The following POC1B variants were observed in gnomAD, a reference collection of about 807,000 sequenced individuals.
POC1B encodes the protein POC1 centriolar protein B.
In POC1B, 44 loss-of-function variants were observed where a neutral mutation model predicts 60.6. The observed-to-expected ratio is 0.73, with a 90% CI of 0.57 to 0.93. The LOEUF is 0.93. Ranked by LOEUF, POC1B falls within the 40% of genes least tolerant of loss-of-function variation. The probability of loss-of-function intolerance (pLI) is 0.00; values close to 1 mark genes in which losing one functional copy is unlikely to be tolerated. For missense variants in POC1B, 555 were observed against 572.3 expected, an observed-to-expected ratio of 0.97 and a Z score of 0.31; for synonymous variants, 180 against 198.9, an observed-to-expected ratio of 0.90 and a Z score of 0.80.
chr12:89,514,009 T>A (rs1050408663), intron 2 of POC1B, among the ~76,000 whole-genome samples: 1 of 152,158 alleles, frequency 6.6e-6, no homozygotes, highest in Non-Finnish European at 1.5e-5. Flanking sequence ...TCCTCTTCCC[T>A]CTCATCACCT....
At chr12:89,523,700 AT>A in intron 2 of POC1B, 5 of 1,544,106 alleles carry the variant, frequency 3.2e-6, no homozygotes, top group Non-Finnish European at 4.3e-6. Context: ...TGCCACTGAA[AT>A]GTTAAACGCC....
chr12:89,420,328 G>GT lies in POC1B; in HGVS notation c.*824dup, dbSNP rs751932690. Reference sequence around the variant, plus strand: ...AAGCAACAATATTTCTGAAGCATGTGTACATACATGTGTGTATATTTTTAA... The same window carrying GT: ...AAGCAACAATATTTCTGAAGCATGTGTTACATACATGTGTGTATATTTTTAA... On this transcript the variant is annotated 3_prime_UTR_variant, in exon 12 of 12. Coordinates refer to ENST00000313546, the MANE Select transcript of POC1B (RefSeq NM_172240.3). The GT allele has an allele frequency of 8.5e-5, 13 of 152,214 alleles. No homozygotes were observed. Among genetic ancestry groups the GT allele is most frequent in the Non-Finnish European group, 1.5e-4 (10 of 68,000 alleles). The allele number at this position is 152,214 out of a possible 1,614,324, so 9.4% of individuals were successfully genotyped here.
chr12:89,447,968 G>A (rs80258360), intron 10 of POC1B, among the ~76,000 whole-genome samples: 1,996 of 151,980 alleles, frequency 0.013, 77 homozygotes, highest in East Asian at 0.11. Flanking sequence ...TATAGATAAC[G>A]CATGACCTGA....
chr12:89,439,512 T>C (rs571701247), intron 10 of POC1B, among the ~76,000 whole-genome samples: 2 of 152,216 alleles, frequency 1.3e-5, no homozygotes, highest in Admixed American at 6.5e-5. Flanking sequence ...GGGTGGGACC[T>C]GTGAATCTGG....
intron 4 of POC1B, among the ~76,000 whole-genome samples, chr12:89,482,512 C>T (rs1868403103): frequency 6.6e-6 from 1 of 152,020 alleles, no homozygotes; most frequent in Admixed American, 6.6e-5. Flanking sequence ...ATAGATAAAA[C>T]CATACCTAGG....
At chr12:89,448,949 G>A (rs1881912785) in intron 10 of POC1B, among the ~76,000 whole-genome samples, 1 of 152,190 alleles carries the variant, frequency 6.6e-6, no homozygotes, top group Admixed American at 6.5e-5. Context: ...TTCTCCACCT[G>A]CTCCCAAACT....
rs373532533 is a variant in POC1B at position 89,475,379 on chromosome 12, C to T, written c.453-3104G>A. ...AAGGAGGCGAGGTTTCTACCATCAA[C>T]TTAACAGAAACTAAAGGGGACTGAG... On this transcript the variant is annotated intron_variant, in intron 4 of 11. Transcript: ENST00000313546. 1.2e-4 allele frequency among the ~76,000 whole-genome samples: 19 copies of T among 152,258 alleles called. No individual in the cohort carries two copies. In the East Asian group the frequency reaches 3.5e-3, roughly 28 times the overall value.
At chr12:89,487,447 C>T (rs1868698948) in intron 4 of POC1B, among the ~76,000 whole-genome samples, 1 of 152,194 alleles carries the variant, frequency 6.6e-6, no homozygotes, top group Non-Finnish European at 1.5e-5. Context: ...CTAAATAGCA[C>T]CCAGCTGGAA....
chr12:89,475,470 T>C (rs1057425460), intron 4 of POC1B, among the ~76,000 whole-genome samples: 32 of 152,182 alleles, frequency 2.1e-4, no homozygotes, highest in Admixed American at 1.1e-3. Flanking sequence ...GTATGTGTTT[T>C]TTTGCATTTG....
At chr12:89,502,206 T>G (rs556394209) in intron 2 of POC1B, 1 of 1,138,252 alleles carries the variant, frequency 8.8e-7, no homozygotes, top group East Asian at 2.4e-5. Flanking sequence ...AGAATAATAA[T>G]GATGTGGATG....
chr12:89,523,424 G>A (rs1386774349), intron 2 of POC1B: 1 of 1,614,038 alleles, frequency 6.2e-7, no homozygotes, highest in Admixed American at 1.7e-5. Flanking sequence ...GTATTCTGTA[G>A]GAAATTGGGG....
chr12:89,477,349 T>C (rs1239417499), intron 4 of POC1B, among the ~76,000 whole-genome samples: 1 of 152,132 alleles, frequency 6.6e-6, no homozygotes, highest in Non-Finnish European at 1.5e-5. Flanking sequence ...TGTAAAAAGA[T>C]GAAGCATGCC....
chr12:89,525,487 C>A, intron 1 of POC1B: 3 of 1,322,898 alleles, frequency 2.3e-6, no homozygotes, highest in Non-Finnish European at 2.9e-6. Context: ...TTGAAATGCA[C>A]GTTCCCGGGC....
the POC1B span, among the ~76,000 whole-genome samples, chr12:89,413,357 C>T: frequency 6.6e-6 from 1 of 152,170 alleles, no homozygotes; most frequent in East Asian, 1.9e-4. Context: ...AGGAATGCAC[C>T]CAATTAATTT....
At chr12:89,471,558 G>T (rs1216511761) in intron 6 of POC1B, 56 bp downstream of exon 6, 1 of 1,355,084 alleles carries the variant, frequency 7.4e-7, no homozygotes, top group Non-Finnish European at 1.1e-6. Flanking sequence ...AGGAGAATCA[G>T]TCCTTCCAAA....
chr12:89,505,925 A>G (rs7310238), intron 2 of POC1B, among the ~76,000 whole-genome samples: 110,022 of 151,986 alleles, frequency 0.72, 39,925 homozygotes, highest in Middle Eastern at 0.82. Flanking sequence ...GGTCTATGAG[A>G]CTTGCTAATG....
At chr12:89,522,176 CCATTT>C in intron 2 of POC1B, 1 of 398,802 alleles carries the variant, frequency 2.5e-6, no homozygotes, top group Non-Finnish European at 4.4e-6. Flanking sequence ...AAATATCTCC[CCATTT>C]CATTTAAATA....
intron 2 of POC1B, chr12:89,502,522 T>C (rs965203493): frequency 3.6e-5 from 39 of 1,096,436 alleles, no homozygotes; most frequent in Non-Finnish European, 5.1e-5. Flanking sequence ...TTGATAACGA[T>C]GAAAGAAAGA....
intron 10 of POC1B, among the ~76,000 whole-genome samples, chr12:89,448,892 C>T (rs942939724): frequency 1.3e-5 from 2 of 152,198 alleles, no homozygotes; most frequent in Non-Finnish European, 2.9e-5. Flanking sequence ...CCCAAAGTAG[C>T]CTTCACAACC....
Sources: allele counts gnomAD v4.1 joint callset (sites outside exome capture counted in the v4.1 genomes callset), GRCh38; gene constraint gnomAD v4.1.1; transcripts MANE v1.5; gene names NCBI Gene and HGNC (gene_info 2026-07-23, HGNC 2026-07-21).